The following MOBP variants were observed in gnomAD, a reference collection of about 807,000 sequenced individuals.
The protein encoded by MOBP is myelin associated oligodendrocyte basic protein.
MOBP carries 5 observed loss-of-function variants against 15.0 expected under a neutral mutation model. The observed-to-expected ratio is 0.33, with a 90% CI of 0.17 to 0.70. The LOEUF is 0.70. Ranked by LOEUF, MOBP falls within the 30% of genes least tolerant of loss-of-function variation. MOBP has a pLI of 0.67. For synonymous variants in MOBP, 88 were observed against 99.0 expected (o/e 0.89, Z 0.66); for missense variants, 188 against 257.8 (o/e 0.73, Z 1.85).
intron 1 of MOBP, among the ~76,000 whole-genome samples, chr3:39,468,166 C>A (rs898705295): frequency 2.7e-4 from 40 of 150,780 alleles, no homozygotes; most frequent in African/African-American, 8.5e-4. Context: ...CAATTTTTTT[C>A]CTCATACAGT....
downstream of MOBP, among the ~76,000 whole-genome samples, chr3:39,519,844 G>A (rs2043244855): frequency 1.3e-5 from 2 of 152,078 alleles, no homozygotes; most frequent in South Asian, 4.2e-4. Flanking sequence ...TCTATTTACT[G>A]CAGCCTCCCC....
At chr3:39,494,415 AGTTTT>A (rs2042843117) in intron 2 of MOBP, among the ~76,000 whole-genome samples, 1 of 151,270 alleles carries the variant, frequency 6.6e-6, no homozygotes, top group South Asian at 2.1e-4. Context: ...TCTCCTGTTT[AGTTTT>A]AAGTTATATG....
intron 4 of MOBP, among the ~76,000 whole-genome samples, chr3:39,510,113 A>G (rs1361220655): frequency 6.6e-6 from 1 of 151,998 alleles, no homozygotes; most frequent in East Asian, 1.9e-4. Flanking sequence ...TACCTTTGCA[A>G]TTTGGCCAAA....
At chr3:39,501,745 T>A (rs1366588660) in intron 2 of MOBP, among the ~76,000 whole-genome samples, 1 of 152,194 alleles carries the variant, frequency 6.6e-6, no homozygotes, top group Non-Finnish European at 1.5e-5. Context: ...TAGAATATTA[T>A]TTAGTCAAGG....
At position 39,468,476 on chromosome 3, in the gene MOBP, G is replaced by A. The variant is rs188485919; in HGVS notation, c.-89+736G>A. 1.0e-3 allele frequency among the ~76,000 whole-genome samples: 154 copies of A among 152,240 alleles called. 1 individual carries two copies. Among genetic ancestry groups the A allele is most frequent in the Admixed American group, 9.0e-3 (137 of 15,274 alleles). ...GAGAGCAGGCTGCTGCCAGGTGTGCGGATATGCTGTTTCGTATTTAGAATG... is the reference window on the plus strand; with the variant it reads ...GAGAGCAGGCTGCTGCCAGGTGTGCAGATATGCTGTTTCGTATTTAGAATG... On this transcript the variant is annotated intron_variant, in intron 1 of 3. Coordinates refer to ENST00000684792, the MANE Select transcript of MOBP (RefSeq NM_001393704.1).
At chr3:39,519,957 C>G (rs1413964743), downstream of MOBP, among the ~76,000 whole-genome samples, 2 of 132,576 alleles carry the variant, frequency 1.5e-5, no homozygotes, top group African/African-American at 3.4e-5. Context: ...ATCATGACAT[C>G]TGTTTTTTTT....
intron 2 of MOBP, among the ~76,000 whole-genome samples, chr3:39,481,414 G>A (rs2042626139): frequency 6.6e-6 from 1 of 152,126 alleles, no homozygotes. Context: ...CAACCATTTT[G>A]CATGTGCTCT....
intron 2 of MOBP, among the ~76,000 whole-genome samples, chr3:39,492,683 C>G (rs1014172446): frequency 6.6e-6 from 1 of 152,050 alleles, no homozygotes; most frequent in Non-Finnish European, 1.5e-5. Context: ...ATTAAACATC[C>G]CATTCCTTAA....
chr3:39,519,877 C>G (rs1446686873), downstream of MOBP, among the ~76,000 whole-genome samples: 1 of 151,964 alleles, frequency 6.6e-6, no homozygotes, highest in African/African-American at 2.4e-5. Context: ...ACAATCTGTA[C>G]TGCCACCTCT....
intron 2 of MOBP, among the ~76,000 whole-genome samples, chr3:39,501,330 C>G (rs1196370107): frequency 1.3e-5 from 2 of 152,214 alleles, no homozygotes; most frequent in Non-Finnish European, 2.9e-5. Context: ...TTGATAGTCA[C>G]GTAAGTCCCC....
chr3:39,512,666 T>A (rs1479414046), intron 4 of MOBP, among the ~76,000 whole-genome samples: 1 of 152,222 alleles, frequency 6.6e-6, no homozygotes, highest in Non-Finnish European at 1.5e-5. Flanking sequence ...ATAAGTTTTG[T>A]CTCTAGAATA....
At chr3:39,491,992 G>A (rs1334435795) in intron 2 of MOBP, among the ~76,000 whole-genome samples, 2 of 152,178 alleles carry the variant, frequency 1.3e-5, no homozygotes, top group Non-Finnish European at 2.9e-5. Flanking sequence ...AGAAAAGGCT[G>A]CCCTCAGCCT....
chr3:39,478,923 G>A lies in MOBP; in HGVS notation c.-88-1117G>A, dbSNP rs544027320. Among the ~76,000 whole-genome samples, 13 of 151,562 alleles carry A rather than the reference G, an allele frequency of 8.6e-5. 1 individual carries two copies. The highest frequency in any genetic ancestry group is 2.9e-4 in the African/African-American group (12 of 41,278). ...CAGCTCACTGCAACCCTCACCTCCC[G>A]GGTTCAAGCAATTCTCCTGCCTCAG... is the stretch of plus-strand genomic sequence containing the variant. On this transcript the variant is annotated intron_variant, in intron 1 of 3. Coordinates refer to ENST00000684792, the MANE Select transcript of MOBP (RefSeq NM_001393704.1).
intron 2 of MOBP, among the ~76,000 whole-genome samples, chr3:39,492,532 G>T (rs143075615): frequency 4.1e-4 from 63 of 152,202 alleles, no homozygotes; most frequent in African/African-American, 1.4e-3. Context: ...TTCATCATGG[G>T]TTGGGCTTGT....
intron 4 of MOBP, among the ~76,000 whole-genome samples, chr3:39,512,353 G>C (rs1488262106): frequency 6.6e-6 from 1 of 152,138 alleles, no homozygotes; most frequent in South Asian, 2.1e-4. Context: ...TGGGGAGTTC[G>C]AAAACATGCA....
intron 2 of MOBP, among the ~76,000 whole-genome samples, chr3:39,491,428 G>A (rs9840347): frequency 0.019 from 2,833 of 152,284 alleles, 68 homozygotes; most frequent in African/African-American, 0.063. Flanking sequence ...GAACTTGGAA[G>A]AGTGCCTGAC....
intron 1 of MOBP, among the ~76,000 whole-genome samples, chr3:39,469,232 ATG>A (rs72014027): frequency 0.37 from 33,074 of 89,338 alleles, 9,774 homozygotes; most frequent in Non-Finnish European, 0.45. Flanking sequence ...ATATATACAT[ATG>A]TGTGTGTATA....
intron 1 of MOBP, among the ~76,000 whole-genome samples, chr3:39,474,649 A>T (rs2042519373): frequency 1.3e-5 from 2 of 152,108 alleles, no homozygotes. Context: ...TTTTTCCCTA[A>T]TTGCTTCTCC....
rs141287247 is a variant in MOBP at position 39,471,016 on chromosome 3, G to T, written c.-89+3276G>T. Reference sequence around the variant, plus strand: ...ACCCAGATGACCATCCATTGTTCAGGGCGTGGCTAGCTAACTTGTGCTGAA... The same window carrying T: ...ACCCAGATGACCATCCATTGTTCAGTGCGTGGCTAGCTAACTTGTGCTGAA... On this transcript the variant is annotated intron_variant, in intron 1 of 3. Transcript: ENST00000684792. 5.3e-5 allele frequency among the ~76,000 whole-genome samples: 8 copies of T among 152,268 alleles called. No homozygotes were observed. In the East Asian group the frequency reaches 1.5e-3, roughly 29 times the overall value.
Sources: gnomAD v4.1 joint callset for allele counts (sites outside exome capture counted in the v4.1 genomes callset) on GRCh38, gnomAD v4.1.1 for gene constraint, MANE v1.5 for transcripts, NCBI Gene and HGNC (gene_info 2026-07-23, HGNC 2026-07-21) for gene names.